SEZ6L: variants seen among roughly 807,000 people sequenced by gnomAD.
The protein encoded by SEZ6L is seizure 6-like protein.
A neutral mutation model predicts 106.2 loss-of-function variants in SEZ6L; 37 were observed. The ratio of observed to expected loss-of-function variants is 0.35; its 90% CI spans 0.27 to 0.46. SEZ6L has a LOEUF of 0.46. SEZ6L is among the 20% of genes least tolerant of loss of function. The pLI is 1.00. For synonymous variants in SEZ6L, 541 were observed against 570.4 expected (o/e 0.95, Z 0.73); for missense variants, 1,172 against 1,332.8 (o/e 0.88, Z 1.88).
intron 1 of SEZ6L, among the ~76,000 whole-genome samples, chr22:26,172,383 G>A (rs1015172831): frequency 2.0e-5 from 3 of 152,146 alleles, no homozygotes; most frequent in Non-Finnish European, 4.4e-5. Flanking sequence ...GGCTCAGTTA[G>A]GTATTAAGAA....
intron 1 of SEZ6L, among the ~76,000 whole-genome samples, chr22:26,195,077 G>A (rs1940491345): frequency 6.6e-6 from 1 of 152,130 alleles, no homozygotes; most frequent in Non-Finnish European, 1.5e-5. Flanking sequence ...ACTCAGTGTG[G>A]GGAGTTATTT....
At chr22:26,255,316 G>A (rs73879860) in intron 1 of SEZ6L, among the ~76,000 whole-genome samples, 1 of 152,298 alleles carries the variant, frequency 6.6e-6, no homozygotes, top group Admixed American at 6.5e-5. Flanking sequence ...CCTGGTTAAT[G>A]CTTGAAGGAG....
intron 1 of SEZ6L, among the ~76,000 whole-genome samples, chr22:26,287,292 A>AGT (rs1199007065): frequency 1.3e-5 from 2 of 152,100 alleles, no homozygotes; most frequent in African/African-American, 4.8e-5. Context: ...GTTGATTATC[A>AGT]GTGTGTGTGT....
intron 8 of SEZ6L, among the ~76,000 whole-genome samples, chr22:26,312,759 G>A (rs769136264): frequency 5.3e-5 from 8 of 152,288 alleles, no homozygotes; most frequent in South Asian, 2.1e-4. Context: ...TAGTAGAAAC[G>A]GGGTTTCACC....
intron 1 of SEZ6L, among the ~76,000 whole-genome samples, chr22:26,200,623 G>A (rs1370872351): frequency 2.0e-5 from 3 of 152,186 alleles, no homozygotes; most frequent in East Asian, 3.9e-4. Flanking sequence ...CCAGGCTTTG[G>A]TCTCAGTTAA....
chr22:26,264,650 T>G (rs1168606557), intron 1 of SEZ6L, among the ~76,000 whole-genome samples: 2 of 152,208 alleles, frequency 1.3e-5, no homozygotes, highest in African/African-American at 2.4e-5. Flanking sequence ...GGTTATTTAG[T>G]CTCTGGGGCA....
chr22:26,350,375 A>G (rs2083235216), intron 11 of SEZ6L, among the ~76,000 whole-genome samples: 2 of 151,242 alleles, frequency 1.3e-5, no homozygotes, highest in Admixed American at 1.3e-4. Flanking sequence ...AAACAGGTGT[A>G]CCCCACCATG....
chr22:26,317,667 A>G (rs1175727330), intron 9 of SEZ6L, among the ~76,000 whole-genome samples: 6 of 152,136 alleles, frequency 3.9e-5, no homozygotes, highest in Non-Finnish European at 7.4e-5. Context: ...ACCTCATGCA[A>G]TTAAAGCTTC....
At chr22:26,329,069 G>A (rs2082403569) in intron 9 of SEZ6L, among the ~76,000 whole-genome samples, 1 of 152,182 alleles carries the variant, frequency 6.6e-6, no homozygotes, top group African/African-American at 2.4e-5. Flanking sequence ...ACGGGGCAGT[G>A]GGTTCACAGC....
intron 1 of SEZ6L, among the ~76,000 whole-genome samples, chr22:26,195,351 A>T (rs1601999926): frequency 6.6e-6 from 1 of 152,196 alleles, no homozygotes; most frequent in African/African-American, 2.4e-5. Flanking sequence ...CTTAGTTCTC[A>T]TTTCAGCCTC....
chr22:26,283,286 A>T (rs1242684902), intron 1 of SEZ6L, among the ~76,000 whole-genome samples: 1 of 152,192 alleles, frequency 6.6e-6, no homozygotes, highest in Non-Finnish European at 1.5e-5. Flanking sequence ...GATGCGTATT[A>T]ATTGCAGTAC....
At chr22:26,200,858 G>T (rs1174463295) in intron 1 of SEZ6L, among the ~76,000 whole-genome samples, 1 of 152,050 alleles carries the variant, frequency 6.6e-6, no homozygotes, top group Non-Finnish European at 1.5e-5. Flanking sequence ...CCACGTGGAT[G>T]ACTCACTATC....
intron 1 of SEZ6L, among the ~76,000 whole-genome samples, chr22:26,213,493 G>A (rs2145707859): frequency 6.6e-6 from 1 of 152,306 alleles, no homozygotes; most frequent in South Asian, 2.1e-4. Flanking sequence ...TCCACTCATA[G>A]CCATGGACAT....
intron 1 of SEZ6L, among the ~76,000 whole-genome samples, chr22:26,289,126 CAA>C (rs1191303571): frequency 6.6e-6 from 1 of 152,214 alleles, no homozygotes; most frequent in Non-Finnish European, 1.5e-5. Flanking sequence ...GAGACCCATG[CAA>C]AGTCATGCTA....
chr22:26,287,523 C>T (rs1297345781), intron 1 of SEZ6L, among the ~76,000 whole-genome samples: 2 of 152,052 alleles, frequency 1.3e-5, no homozygotes, highest in Non-Finnish European at 2.9e-5. Flanking sequence ...TTTAACTCAG[C>T]GGTCATCGGA....
At chr22:26,201,634 T>A (rs529810798) in intron 1 of SEZ6L, among the ~76,000 whole-genome samples, 1 of 152,230 alleles carries the variant, frequency 6.6e-6, no homozygotes, top group African/African-American at 2.4e-5. Flanking sequence ...TTAAAAAGCA[T>A]AGGCTTTAGC....
chr22:26,288,631 T>C (rs996784498), intron 1 of SEZ6L, among the ~76,000 whole-genome samples: 2 of 152,236 alleles, frequency 1.3e-5, no homozygotes, highest in Non-Finnish European at 2.9e-5. Flanking sequence ...ACTTTGATCA[T>C]TCATAAAATA....
chr22:26,371,604 T>C (rs1288592975), intron 13 of SEZ6L, among the ~76,000 whole-genome samples: 2 of 151,490 alleles, frequency 1.3e-5, no homozygotes, highest in African/African-American at 4.9e-5. Flanking sequence ...TGCACTCCAG[T>C]CTAGGTGACA....
chr22:26,280,247 T>C (rs558547326), intron 1 of SEZ6L, among the ~76,000 whole-genome samples: 27 of 146,934 alleles, frequency 1.8e-4, no homozygotes, highest in African/African-American at 7.0e-4. Context: ...AGTCTCCCTA[T>C]AAATACATAC....
Sources: allele counts gnomAD v4.1 joint callset (sites outside exome capture counted in the v4.1 genomes callset), GRCh38; gene constraint gnomAD v4.1.1; transcripts MANE v1.5; gene names NCBI Gene and HGNC (gene_info 2026-07-23, HGNC 2026-07-21).